The following MDFIC2 variants were observed in gnomAD, a reference collection of about 807,000 sequenced individuals.
The protein encoded by MDFIC2 is myoD family inhibitor domain-containing protein 2.
At chr3:70,256,378 T>C (rs1701816451) in intron 2 of MDFIC2, among the ~76,000 whole-genome samples, 1 of 152,212 alleles carries the variant, frequency 6.6e-6, no homozygotes, top group Non-Finnish European at 1.5e-5. Flanking sequence ...TAAACTAATC[T>C]CTAAGATTCC....
chr3:70,288,032 G>C (rs1280427938), intron 2 of MDFIC2, among the ~76,000 whole-genome samples: 2 of 151,182 alleles, frequency 1.3e-5, no homozygotes, highest in Admixed American at 1.3e-4. Context: ...TTAATTTTTT[G>C]AAGGGTTTTT....
At chr3:70,245,914 T>C (rs936125703) in intron 2 of MDFIC2, among the ~76,000 whole-genome samples, 2 of 151,412 alleles carry the variant, frequency 1.3e-5, no homozygotes, top group Non-Finnish European at 3.0e-5. Flanking sequence ...GTTATTAGCA[T>C]AGGCATATTA....
At chr3:70,201,354 A>G (rs1215173829) in intron 3 of MDFIC2, among the ~76,000 whole-genome samples, 1 of 152,184 alleles carries the variant, frequency 6.6e-6, no homozygotes, top group Non-Finnish European at 1.5e-5. Context: ...AGCTCCATCC[A>G]AGTTCCTGCA....
chr3:70,254,453 G>A (rs921152304), intron 2 of MDFIC2, among the ~76,000 whole-genome samples: 1 of 152,040 alleles, frequency 6.6e-6, no homozygotes, highest in Admixed American at 6.6e-5. Flanking sequence ...AGACACAAAG[G>A]GCGTAAAAGA....
At chr3:70,216,483 A>G (rs1701413474) in intron 2 of MDFIC2, among the ~76,000 whole-genome samples, 1 of 152,026 alleles carries the variant, frequency 6.6e-6, no homozygotes, top group Non-Finnish European at 1.5e-5. Context: ...CGGGGATATC[A>G]AATAACTTAC....
chr3:70,207,262 G>A (rs1223186342), intron 2 of MDFIC2, among the ~76,000 whole-genome samples: 2 of 151,926 alleles, frequency 1.3e-5, no homozygotes, highest in Non-Finnish European at 2.9e-5. Flanking sequence ...TCTGTAAAAA[G>A]AAAAATGCAT....
chr3:70,206,052 G>T (rs1379296474), intron 3 of MDFIC2: 1 of 151,992 alleles, frequency 6.6e-6, no homozygotes, highest in East Asian at 1.9e-4. Context: ...GTCTAGGTTT[G>T]CACTGATCAG....
At chr3:70,209,110 T>A (rs1194962788) in intron 2 of MDFIC2, among the ~76,000 whole-genome samples, 1 of 152,080 alleles carries the variant, frequency 6.6e-6, no homozygotes, top group African/African-American at 2.4e-5. Flanking sequence ...TACTTGGGTA[T>A]CAAGGCATCC....
chr3:70,278,736 T>G (rs1467147644), intron 2 of MDFIC2, among the ~76,000 whole-genome samples: 3 of 152,260 alleles, frequency 2.0e-5, no homozygotes, highest in South Asian at 2.1e-4. Context: ...CAGAGACATC[T>G]AAGTTGGTGC....
chr3:70,268,387 A>G (rs908189410), intron 2 of MDFIC2, among the ~76,000 whole-genome samples: 1 of 150,804 alleles, frequency 6.6e-6, no homozygotes, highest in African/African-American at 2.4e-5. Flanking sequence ...AAGCAGGAGA[A>G]TCACTTGAAC....
At chr3:70,274,006 A>G (rs1018321909) in intron 2 of MDFIC2, among the ~76,000 whole-genome samples, 17 of 151,728 alleles carry the variant, frequency 1.1e-4, no homozygotes, top group Admixed American at 2.0e-4. Flanking sequence ...TTCTCTCAAA[A>G]CTAAGATGCC....
At chr3:70,256,478 TCTCAGGAC>T (rs1701817397) in intron 2 of MDFIC2, among the ~76,000 whole-genome samples, 1 of 152,188 alleles carries the variant, frequency 6.6e-6, no homozygotes, top group Non-Finnish European at 1.5e-5. Context: ...TCTTTGAGGG[TCTCAGGAC>T]CTCATTTAGT....
At chr3:70,198,807 C>T (rs1028563082) in intron 3 of MDFIC2, among the ~76,000 whole-genome samples, 1 of 152,208 alleles carries the variant, frequency 6.6e-6, no homozygotes, top group Non-Finnish European at 1.5e-5. Context: ...TTTTTCTTCA[C>T]TTAGAGCCAG....
chr3:70,238,682 G>A (rs974912665), intron 2 of MDFIC2, among the ~76,000 whole-genome samples: 1 of 151,938 alleles, frequency 6.6e-6, no homozygotes, highest in South Asian at 2.1e-4. Context: ...TAAAGGCAGG[G>A]CACTTTAGCC....
chr3:70,226,764 C>A (rs1031466527), intron 2 of MDFIC2, among the ~76,000 whole-genome samples: 2 of 147,108 alleles, frequency 1.4e-5, no homozygotes, highest in Admixed American at 1.4e-4. Context: ...AAATAGTGTG[C>A]AATTTCCAGG....
chr3:70,236,093 A>C (rs6790613), intron 2 of MDFIC2, among the ~76,000 whole-genome samples: 16,161 of 151,868 alleles, frequency 0.11, 1,292 homozygotes, highest in African/African-American at 0.22. Flanking sequence ...AGCTCTCTTC[A>C]CTCTTTCCCT....
intron 2 of MDFIC2, among the ~76,000 whole-genome samples, chr3:70,229,227 G>A (rs779564507): frequency 4.6e-5 from 7 of 152,180 alleles, no homozygotes; most frequent in Non-Finnish European, 8.8e-5. Context: ...GAATGGTCAG[G>A]AAGCAAGAGA....
At chr3:70,207,469 T>C (rs1701303665) in intron 2 of MDFIC2, among the ~76,000 whole-genome samples, 1 of 151,996 alleles carries the variant, frequency 6.6e-6, no homozygotes, top group African/African-American at 2.4e-5. Context: ...TCTAGCGAAG[T>C]TCTTGACTGA....
intron 2 of MDFIC2, among the ~76,000 whole-genome samples, chr3:70,244,527 A>G (rs769954243): frequency 6.6e-6 from 1 of 152,242 alleles, no homozygotes; most frequent in Admixed American, 6.5e-5. Flanking sequence ...TGAGTAGGCT[A>G]ACAAATCTAT....
Sources: gnomAD v4.1 joint callset for allele counts (sites outside exome capture counted in the v4.1 genomes callset) on GRCh38, gnomAD v4.1.1 for gene constraint, MANE v1.5 for transcripts, NCBI Gene and HGNC (gene_info 2026-07-23, HGNC 2026-07-21) for gene names.